The following RABEP1 variants were observed in gnomAD, a reference collection of about 807,000 sequenced individuals.
RABEP1 encodes rab GTPase-binding effector protein 1.
RABEP1 carries 51 observed loss-of-function variants against 123.4 expected under a neutral mutation model. That is an observed-to-expected ratio of 0.41 (90% CI 0.33 to 0.52). The LOEUF (loss-of-function observed/expected upper bound fraction) is 0.52. Ranked by LOEUF, RABEP1 falls within the 20% of genes least tolerant of loss-of-function variation. RABEP1 has a pLI of 0.16. For missense variants in RABEP1, 888 were observed against 996.3 expected, an observed-to-expected ratio of 0.89 and a Z score of 1.46; for synonymous variants, 347 against 355.2, an observed-to-expected ratio of 0.98 and a Z score of 0.26.
At chr17:5,354,675 CAT>C (rs1908865135) in intron 8 of RABEP1, among the ~76,000 whole-genome samples, 185 bp downstream of exon 8, 1 of 152,178 alleles carries the variant, frequency 6.6e-6, no homozygotes. Context: ...CTATTTGAAA[CAT>C]GTTGCAGCTT....
chr17:5,357,414 C>G (rs1272829306), intron 8 of RABEP1, among the ~76,000 whole-genome samples: 1 of 152,088 alleles, frequency 6.6e-6, no homozygotes, highest in East Asian at 1.9e-4. Context: ...CTGTCTCACC[C>G]TTGCTGGAGT....
intron 12 of RABEP1, 89 bp downstream of exon 12, chr17:5,368,557 C>A: frequency 1.1e-6 from 1 of 930,026 alleles, no homozygotes; most frequent in Non-Finnish European, 1.7e-6. Flanking sequence ...AGGAATTTAT[C>A]ATCCTGTCCA....
chr17:5,322,798 G>A (rs990233647), intron 2 of RABEP1, among the ~76,000 whole-genome samples: 1 of 152,224 alleles, frequency 6.6e-6, no homozygotes, highest in Non-Finnish European at 1.5e-5. Flanking sequence ...TGGTTGGCCA[G>A]GTGCAGTGGC....
intron 1 of RABEP1, among the ~76,000 whole-genome samples, chr17:5,299,719 C>CTTTTCTTTTTTTTTTTTTTTTT (rs2075116264): frequency 1.0e-5 from 1 of 98,836 alleles, no homozygotes; most frequent in Non-Finnish European, 1.9e-5. Context: ...TTTTTCTTTT[C>CTTTTCTTTTTTTTTTTTTTTTT]TTTTTCTTTT....
chr17:5,294,028 C>G (rs1051106896), intron 1 of RABEP1, among the ~76,000 whole-genome samples: 5 of 151,788 alleles, frequency 3.3e-5, no homozygotes, highest in Non-Finnish European at 5.9e-5. Flanking sequence ...TAAGAAAATG[C>G]AAAAAAAGTG....
intron 2 of RABEP1, among the ~76,000 whole-genome samples, chr17:5,318,722 C>T (rs912078747): frequency 6.6e-6 from 1 of 152,172 alleles, no homozygotes; most frequent in Non-Finnish European, 1.5e-5. Flanking sequence ...ATGAGGTCTG[C>T]ATAATCCTAA....
Position 5,386,251 on chromosome 17 carries a change from T to C in RABEP1, c.*3028T>C, listed in dbSNP as rs1255104251. 3 of 1,612,890 alleles carry C rather than the reference T, an allele frequency of 1.9e-6. No individual in the cohort carries two copies. On this transcript the variant is annotated 3_prime_UTR_variant, in exon 18 of 18. Coordinates refer to ENST00000537505, the MANE Select transcript of RABEP1 (RefSeq NM_004703.6). The stretch of plus-strand genomic sequence containing the variant: ...GGATATCATTGATTTGCTTCACCAT[T>C]TCCCTTATATGTTCACCCCTGTAAA...
intron 2 of RABEP1, among the ~76,000 whole-genome samples, chr17:5,330,823 G>GACC (rs1224690903): frequency 6.6e-6 from 1 of 152,044 alleles, no homozygotes; most frequent in Non-Finnish European, 1.5e-5. Context: ...AGGAGGCCAA[G>GACC]ACCAGCCTGG....
intron 15 of RABEP1, among the ~76,000 whole-genome samples, chr17:5,378,979 C>T (rs1911225245): frequency 6.6e-6 from 1 of 152,188 alleles, no homozygotes; most frequent in African/African-American, 2.4e-5. Flanking sequence ...CACTGCCCAA[C>T]CTTGGACTAG....
rs967484098 is a variant in RABEP1, at chr17:5,362,999, G to A, written c.1651G>A (p.Ala551Thr). The A allele has an allele frequency of 6.2e-7, 1 of 1,612,148 alleles. No individual in the cohort carries two copies. The highest frequency in any genetic ancestry group is 8.5e-7 in the Non-Finnish European group (1 of 1,178,192). ...KQLQGIQIQEAETRDQVKKLQ... is the reference protein window; with the variant it reads ...KQLQGIQIQETETRDQVKKLQ... ...GTTACAAGGAATTCAGATTCAGGAG[G>A]CTGAAACGAGAGACCAGGTGAGTTT... The change falls in exon 10 of 18, where the codon GCT (alanine) becomes ACT (threonine). Residue 551 changes from alanine (A) to threonine (T), a missense_variant. Transcript: ENST00000537505.
intron 15 of RABEP1, 43 bp from the exon 16 acceptor site, chr17:5,380,321 C>A: frequency 7.2e-7 from 1 of 1,383,728 alleles, no homozygotes; most frequent in East Asian, 2.5e-5. Context: ...CACTGGGGCC[C>A]AGAGGGAGTT....
chr17:5,333,729 G>T (rs1181307101), intron 3 of RABEP1, among the ~76,000 whole-genome samples: 1 of 152,160 alleles, frequency 6.6e-6, no homozygotes, highest in Non-Finnish European at 1.5e-5. Flanking sequence ...TTGGTTCCAT[G>T]ATGTCAACAA....
chr17:5,361,025 C>A (rs888404994), intron 8 of RABEP1, 183 bp from the exon 9 acceptor site: 14 of 610,416 alleles, frequency 2.3e-5, no homozygotes, highest in Non-Finnish European at 3.7e-5. Flanking sequence ...CAGTTGTATC[C>A]TGAGGGCCTG....
intron 1 of RABEP1, among the ~76,000 whole-genome samples, chr17:5,308,240 T>TC (rs1330691333): frequency 2.0e-5 from 3 of 151,480 alleles, no homozygotes; most frequent in Non-Finnish European, 4.4e-5. Context: ...TTTTTTTTTT[T>TC]TTTGAGACAG....
At position 5,361,588 on chromosome 17, in the gene RABEP1, C is replaced by T. The variant is rs376520114; in HGVS notation, c.1476C>T (p.Ser492=). 1.6e-5 allele frequency: 26 copies of T among 1,614,044 alleles called. No individual in the cohort carries two copies. The highest frequency in any genetic ancestry group is 7.7e-5 in the South Asian group (7 of 91,082). ...EQEETASLLS[S]VTQGMESAYV... Reference sequence around the variant, plus strand: ...AAGAGACAGCGTCCCTCCTCTCCAGCGTTACCCAGGGCATGGAGAGTGCCT... The same window carrying T: ...AAGAGACAGCGTCCCTCCTCTCCAGTGTTACCCAGGGCATGGAGAGTGCCT... Residue 492 remains serine, a synonymous_variant, in exon 9 of 18, where the codon AGC becomes AGT. Transcript: ENST00000537505.
At chr17:5,342,869 A>G (rs1053187436) in intron 5 of RABEP1, among the ~76,000 whole-genome samples, 12 of 152,208 alleles carry the variant, frequency 7.9e-5, no homozygotes, top group African/African-American at 2.7e-4. Flanking sequence ...AAATGGATCA[A>G]TAAAACAGAA....
At chr17:5,290,574 A>G (rs1421901812) in intron 1 of RABEP1, among the ~76,000 whole-genome samples, 1 of 152,088 alleles carries the variant, frequency 6.6e-6, no homozygotes, top group Non-Finnish European at 1.5e-5. Flanking sequence ...CATTAAGTGC[A>G]TGTTAATTTA....
At chr17:5,348,995 T>C (rs1443400457) in intron 6 of RABEP1, among the ~76,000 whole-genome samples, 1 of 152,182 alleles carries the variant, frequency 6.6e-6, no homozygotes, top group Non-Finnish European at 1.5e-5. Flanking sequence ...ATTCCAAACA[T>C]TTTCATTACC....
chr17:5,295,068 C>G (rs532517038), intron 1 of RABEP1, among the ~76,000 whole-genome samples: 4 of 151,748 alleles, frequency 2.6e-5, no homozygotes, highest in African/African-American at 9.7e-5. Context: ...AAGAGATGTT[C>G]ATGATGTATT....
Sources: allele counts gnomAD v4.1 joint callset (sites outside exome capture counted in the v4.1 genomes callset), GRCh38; gene constraint gnomAD v4.1.1; transcripts MANE v1.5; gene names NCBI Gene and HGNC (gene_info 2026-07-23, HGNC 2026-07-21).